CALN1: variants seen among roughly 807,000 people sequenced by gnomAD.
CALN1 encodes calcium-binding protein 8.
A neutral mutation model predicts 30.6 loss-of-function variants in CALN1; 17 were observed. The observed-to-expected ratio is 0.56, with a 90% confidence interval of 0.38 to 0.83. The LOEUF (loss-of-function observed/expected upper bound fraction) is 0.83. CALN1 is among the 40% of genes least tolerant of loss of function. CALN1 has a pLI of 0.00. For missense variants in CALN1, 291 were observed against 354.9 expected (o/e 0.82, Z 1.45); for synonymous variants, 156 against 131.4 (o/e 1.19, Z -1.28).
chr7:72,287,537 C>T (rs1044853545), intron 2 of CALN1, among the ~76,000 whole-genome samples: 12 of 147,448 alleles, frequency 8.1e-5, no homozygotes, highest in Non-Finnish European at 8.9e-5. Context: ...AGCTCCGCCT[C>T]CTGGGTTCAT....
chr7:72,226,591 G>C (rs1585210897), intron 3 of CALN1, among the ~76,000 whole-genome samples: 1 of 152,292 alleles, frequency 6.6e-6, no homozygotes, highest in East Asian at 1.9e-4. Flanking sequence ...GGGTTACATG[G>C]ACAGGATAAA....
intron 5 of CALN1, among the ~76,000 whole-genome samples, chr7:71,848,879 C>T (rs1281376480): frequency 6.6e-6 from 1 of 152,034 alleles, no homozygotes; most frequent in Non-Finnish European, 1.5e-5. Context: ...GGTTGTTCAC[C>T]TTTACTTTTT....
intron 5 of CALN1, among the ~76,000 whole-genome samples, chr7:71,836,507 G>A (rs555248317): frequency 2.0e-5 from 3 of 152,170 alleles, no homozygotes; most frequent in Non-Finnish European, 2.9e-5. Context: ...GCGATGAACC[G>A]CCTTTAAGGG....
chr7:72,143,518 C>T lies in CALN1; in HGVS notation c.245-37224G>A, dbSNP rs565363174. ...GACTGATTGGTGTACCTGAAAGTGACGGGGAGAATGGAACCAAGTTGGAAA... is the reference window on the plus strand; with the variant it reads ...GACTGATTGGTGTACCTGAAAGTGATGGGGAGAATGGAACCAAGTTGGAAA... On this transcript the variant is annotated intron_variant, in intron 3 of 6. Transcript: ENST00000395275. 6.5e-3 allele frequency among the ~76,000 whole-genome samples: 986 copies of T among 152,206 alleles called. 6 individuals carry two copies. Among genetic ancestry groups the T allele is most frequent in the South Asian group, 0.029 (142 of 4,818 alleles).
chr7:72,130,000 G>T (rs1158110961), intron 3 of CALN1, among the ~76,000 whole-genome samples: 1 of 152,118 alleles, frequency 6.6e-6, no homozygotes, highest in African/African-American at 2.4e-5. Context: ...AGGGGTGAGT[G>T]AGTTCTTGCT....
chr7:71,979,465 T>C (rs910049453), intron 5 of CALN1, among the ~76,000 whole-genome samples: 1 of 152,104 alleles, frequency 6.6e-6, no homozygotes, highest in African/African-American at 2.4e-5. Flanking sequence ...ATCCCTCACA[T>C]GCGCAGTTCA....
intron 3 of CALN1, among the ~76,000 whole-genome samples, chr7:72,247,820 C>G (rs933200927): frequency 1.3e-5 from 2 of 152,100 alleles, no homozygotes; most frequent in Admixed American, 6.5e-5. Flanking sequence ...ACAGCAAGAC[C>G]CCATCTCTAC....
chr7:71,802,178 G>C (rs2116078611), intron 6 of CALN1, among the ~76,000 whole-genome samples: 1 of 152,206 alleles, frequency 6.6e-6, no homozygotes, highest in East Asian at 1.9e-4. Flanking sequence ...AGTATAATGT[G>C]TCATGGGAGC....
intron 4 of CALN1, among the ~76,000 whole-genome samples, chr7:72,076,462 G>A (rs1804734249): frequency 6.6e-6 from 1 of 151,126 alleles, no homozygotes; most frequent in African/African-American, 2.4e-5. Context: ...GCCAGGTGTG[G>A]TGGCGCATGC....
chr7:72,138,753 A>G (rs928332935), intron 3 of CALN1, among the ~76,000 whole-genome samples: 4 of 152,204 alleles, frequency 2.6e-5, no homozygotes, highest in African/African-American at 9.6e-5. Context: ...TGAAAGAACC[A>G]TTGGTCGGCC....
chr7:72,037,402 G>A (rs547271966), intron 4 of CALN1, among the ~76,000 whole-genome samples: 15 of 151,898 alleles, frequency 9.9e-5, no homozygotes, highest in African/African-American at 2.2e-4. Flanking sequence ...CACCCGCCTC[G>A]GCCTCCCAAA....
intron 5 of CALN1, among the ~76,000 whole-genome samples, chr7:71,979,764 C>A (rs1798294253): frequency 6.6e-6 from 1 of 150,742 alleles, no homozygotes; most frequent in Non-Finnish European, 1.5e-5. Context: ...GAATAAAGTT[C>A]TTTGTATAAT....
intron 3 of CALN1, among the ~76,000 whole-genome samples, chr7:72,229,383 C>T (rs964854922): frequency 2.0e-5 from 3 of 151,992 alleles, no homozygotes; most frequent in African/African-American, 7.2e-5. Flanking sequence ...ACTTGGGAGG[C>T]TGAGGCAAGA....
intron 5 of CALN1, among the ~76,000 whole-genome samples, chr7:71,898,076 A>G (rs1793648419): frequency 6.6e-6 from 1 of 151,214 alleles, no homozygotes; most frequent in African/African-American, 2.4e-5. Context: ...CAGAAAGAAC[A>G]CAGACATTGC....
At chr7:72,287,747 A>G (rs1359499981) in intron 2 of CALN1, among the ~76,000 whole-genome samples, 1 of 151,904 alleles carries the variant, frequency 6.6e-6, no homozygotes, top group Non-Finnish European at 1.5e-5. Flanking sequence ...CGCCCAGCCT[A>G]GTTAATTTTT....
intron 5 of CALN1, among the ~76,000 whole-genome samples, chr7:71,822,475 C>T (rs1244752242): frequency 2.6e-5 from 4 of 152,124 alleles, no homozygotes; most frequent in Non-Finnish European, 5.9e-5. Flanking sequence ...CTCGAACTCC[C>T]GACCTCAGGT....
At chr7:72,296,400 C>T (rs1490471955) in intron 2 of CALN1, among the ~76,000 whole-genome samples, 1 of 145,654 alleles carries the variant, frequency 6.9e-6, no homozygotes. Flanking sequence ...GGAGGATTCC[C>T]TCTTTTTCTA....
intron 5 of CALN1, among the ~76,000 whole-genome samples, chr7:71,932,326 C>A (rs1050099844): frequency 2.0e-5 from 3 of 152,128 alleles, no homozygotes; most frequent in Non-Finnish European, 4.4e-5. Context: ...CAGGCACACA[C>A]CACCATGCCC....
upstream of CALN1, among the ~76,000 whole-genome samples, chr7:72,448,968 C>A (rs1808604532): frequency 6.6e-6 from 1 of 152,058 alleles, no homozygotes; most frequent in Non-Finnish European, 1.5e-5. Context: ...CCAATTGGTG[C>A]TCAGAAGCCA....
Sources: gnomAD v4.1 joint callset for allele counts (sites outside exome capture counted in the v4.1 genomes callset) on GRCh38, gnomAD v4.1.1 for gene constraint, MANE v1.5 for transcripts, NCBI Gene and HGNC (gene_info 2026-07-23, HGNC 2026-07-21) for gene names.